DOCK1: variants seen among roughly 807,000 people sequenced by gnomAD.
DOCK1 encodes dedicator of cytokinesis protein 1.
DOCK1 carries 138 observed loss-of-function variants against 262.7 expected under a neutral mutation model. The ratio of observed to expected loss-of-function variants is 0.53; its 90% CI spans 0.46 to 0.61. The LOEUF is 0.61. Ranked by LOEUF, DOCK1 falls within the 20% of genes least tolerant of loss-of-function variation. The pLI is 0.00. For synonymous variants in DOCK1, 866 were observed against 867.4 expected (o/e 1.00, Z 0.03); for missense variants, 1,908 against 2,370.7 (o/e 0.80, Z 4.05).
chr10:127,400,938 G>A (rs1590900654), intron 38 of DOCK1, among the ~76,000 whole-genome samples: 1 of 152,264 alleles, frequency 6.6e-6, no homozygotes, highest in East Asian at 1.9e-4. Flanking sequence ...CTAGGAAGAG[G>A]GGAGAAACCT....
intron 31 of DOCK1, among the ~76,000 whole-genome samples, chr10:127,347,845 T>C (rs1565012230): frequency 5.5e-4 from 23 of 41,512 alleles, no homozygotes; most frequent in African/African-American, 1.4e-3. Flanking sequence ...TTCCCTTCCC[T>C]TCCCTTCCCT....
chr10:127,057,570 T>G (rs1320285694), intron 22 of DOCK1, among the ~76,000 whole-genome samples: 1 of 152,264 alleles, frequency 6.6e-6, no homozygotes, highest in African/African-American at 2.4e-5. Flanking sequence ...CAAAGACATT[T>G]GGTTCCTGGG....
At chr10:127,252,014 T>C (rs2059665798) in intron 28 of DOCK1, among the ~76,000 whole-genome samples, 1 of 151,878 alleles carries the variant, frequency 6.6e-6, no homozygotes, top group African/African-American at 2.4e-5. Flanking sequence ...AGTGTAAAAG[T>C]GTTCCTATTT....
In DOCK1 at chr10:127,260,587, A is replaced by T. The variant is rs1444352387; in HGVS notation, c.3044+3158A>T. 3.3e-5 allele frequency among the ~76,000 whole-genome samples: 5 copies of T among 150,630 alleles called. No homozygotes were observed. The South Asian group carries it at 1.1e-3, about 32-fold the overall frequency. ...GTGATGTGTGCCTGTGTGTGTACCCATGCTCATCTGTGTGTGTACCTGCAT... is the reference window on the plus strand; with the variant it reads ...GTGATGTGTGCCTGTGTGTGTACCCTTGCTCATCTGTGTGTGTACCTGCAT... On this transcript the variant is annotated intron_variant, in intron 29 of 51. Coordinates refer to ENST00000623213, the MANE Select transcript of DOCK1 (RefSeq NM_001290223.2).
intron 33 of DOCK1, among the ~76,000 whole-genome samples, chr10:127,362,857 A>C (rs1590697300): frequency 7.2e-6 from 1 of 138,092 alleles, no homozygotes; most frequent in Non-Finnish European, 1.6e-5. Flanking sequence ...ACACACATGT[A>C]CATCCCCACA....
rs1047313035 is a variant in DOCK1 at position 127,235,885 on chromosome 10, G to T, written c.2848-12123G>T. Reference sequence around the variant, plus strand: ...CCTATTGACTAGTAAGATAGACCATGCTTTCATGTGCATCTTGGCCATTTG... The same window carrying T: ...CCTATTGACTAGTAAGATAGACCATTCTTTCATGTGCATCTTGGCCATTTG... On this transcript the variant is annotated intron_variant, in intron 27 of 51. Coordinates refer to ENST00000623213, the MANE Select transcript of DOCK1 (RefSeq NM_001290223.2). Among the ~76,000 whole-genome samples the T allele has an allele frequency of 3.6e-4, 54 of 151,920 alleles. 1 individual carries two copies. Among genetic ancestry groups the T allele is most frequent in the Admixed American group, 3.5e-3 (54 of 15,242 alleles).
At chr10:127,184,433 TCTTGGCCTTCATAACTCTCCTGCC>T (rs2056034390) in intron 27 of DOCK1, among the ~76,000 whole-genome samples, 1 of 151,190 alleles carries the variant, frequency 6.6e-6, no homozygotes, top group African/African-American at 2.4e-5. Flanking sequence ...CCCACCCTGA[TCTTGGCCTTCATAACTCTCCTGCC>T]CTCAGCTCTC....
chr10:127,110,759 A>C (rs1352780662), intron 25 of DOCK1, among the ~76,000 whole-genome samples: 2 of 152,252 alleles, frequency 1.3e-5, no homozygotes, highest in African/African-American at 2.4e-5. Context: ...GCATTCTTTG[A>C]CAGCATTTCT....
chr10:127,152,524 C>T (rs1223128765), intron 27 of DOCK1, among the ~76,000 whole-genome samples: 2 of 152,148 alleles, frequency 1.3e-5, no homozygotes, highest in East Asian at 3.9e-4. Context: ...GTGCCTCTTA[C>T]AACACTCTAA....
At chr10:127,399,147 A>G (rs2067081506) in intron 38 of DOCK1, among the ~76,000 whole-genome samples, 1 of 152,188 alleles carries the variant, frequency 6.6e-6, no homozygotes, top group African/African-American at 2.4e-5. Context: ...GGCAATTTCA[A>G]GAATGCCGTA....
At chr10:127,313,319 C>T (rs1415794532) in intron 29 of DOCK1, among the ~76,000 whole-genome samples, 1 of 152,180 alleles carries the variant, frequency 6.6e-6, no homozygotes, top group African/African-American at 2.4e-5. Flanking sequence ...TCTTTACATC[C>T]CAGGACAAGC....
At position 127,127,684 on chromosome 10, in the gene DOCK1, C is replaced by T. The variant is rs1161613892; in HGVS notation, c.2767C>T (p.His923Tyr). The T allele has an allele frequency of 6.2e-7, 1 of 1,612,428 alleles. No homozygotes were observed. Among genetic ancestry groups the T allele is most frequent in the African/African-American group, 1.3e-5 (1 of 74,922 alleles). Residue 923 changes from histidine to tyrosine, a missense_variant, in exon 27 of 52, where the codon CAC (histidine) becomes TAC (tyrosine). Around this residue, in one of 9 missense-constraint regions of DOCK1, gnomAD observed 518 missense variants for 575.1 expected, o/e 0.90. Coordinates refer to ENST00000623213, the MANE Select transcript of DOCK1 (RefSeq NM_001290223.2). ...YRKDVGPTQR[H>Y]VQIIMEKLLR... Reference sequence around the variant, plus strand: ...CCTTCCCCAGGGGCCAACCCAGAGGCACGTCCAGATTATCATGGAGAAACT... The same window carrying T: ...CCTTCCCCAGGGGCCAACCCAGAGGTACGTCCAGATTATCATGGAGAAACT...
chr10:127,316,603 A>C (rs2062293441), intron 29 of DOCK1, among the ~76,000 whole-genome samples: 1 of 152,064 alleles, frequency 6.6e-6, no homozygotes, highest in Admixed American at 6.6e-5. Context: ...GATTTTTGTG[A>C]TGCCTTTATT....
At position 126,989,353 on chromosome 10, in the gene DOCK1, G is replaced by T. The variant is rs1486837694; in HGVS notation, c.325-1102G>T. 2.6e-5 allele frequency among the ~76,000 whole-genome samples: 4 copies of T among 152,070 alleles called. No homozygotes were observed. The East Asian group carries it at 7.7e-4, about 29-fold the overall frequency. ...TTATTTATTTATTTTTTGAGATAGG[G>T]TCTTGCTCTGTTGCCCAGGCTAGAT... On this transcript the variant is annotated intron_variant, in intron 5 of 51. Transcript: ENST00000623213.
intron 27 of DOCK1, among the ~76,000 whole-genome samples, chr10:127,134,695 C>T (rs1564827580): frequency 6.6e-6 from 1 of 152,126 alleles, no homozygotes. Context: ...TGCATTGGGC[C>T]TTCCTTCCCT....
At chr10:127,081,664 AT>A (rs1203050763) in intron 23 of DOCK1, among the ~76,000 whole-genome samples, 1 of 151,914 alleles carries the variant, frequency 6.6e-6, no homozygotes, top group Non-Finnish European at 1.5e-5. Context: ...TCCTGGCCTG[AT>A]TTCAAGGCTA....
intron 29 of DOCK1, among the ~76,000 whole-genome samples, chr10:127,283,890 A>T (rs191514977): frequency 6.6e-6 from 1 of 152,236 alleles, no homozygotes; most frequent in Non-Finnish European, 1.5e-5. Context: ...CCTAGGACAC[A>T]TTCCCAGAAG....
intron 1 of DOCK1, among the ~76,000 whole-genome samples, chr10:126,927,358 C>G (rs1045860926): frequency 2.6e-5 from 4 of 152,204 alleles, no homozygotes; most frequent in African/African-American, 9.6e-5. Flanking sequence ...CCAGATTCCC[C>G]TGGAGCAGTG....
At chr10:127,239,958 G>T (rs2059206764) in intron 27 of DOCK1, among the ~76,000 whole-genome samples, 1 of 151,912 alleles carries the variant, frequency 6.6e-6, no homozygotes, top group South Asian at 2.1e-4. Flanking sequence ...GTGAATATGT[G>T]TTTAAATTAT....
Sources: allele counts gnomAD v4.1 joint callset (sites outside exome capture counted in the v4.1 genomes callset), GRCh38; gene constraint gnomAD v4.1.1; regional missense constraint gnomAD v4.1.1; transcripts MANE v1.5; gene names NCBI Gene and HGNC (gene_info 2026-07-23, HGNC 2026-07-21).